The following AP3B1 variants were observed in gnomAD, a reference collection of about 807,000 sequenced individuals.
AP3B1 encodes the protein adaptor related protein complex 3 subunit beta 1.
In AP3B1, 61 loss-of-function variants were observed where a neutral mutation model predicts 132.5. The ratio of observed to expected loss-of-function variants is 0.46; its 90% CI spans 0.37 to 0.57. The LOEUF is 0.57. AP3B1 is among the 20% of genes least tolerant of loss of function. AP3B1 has a pLI of 0.00. For synonymous variants in AP3B1, 388 were observed against 438.3 expected, an observed-to-expected ratio of 0.89 and a Z score of 1.43; for missense variants, 1,120 against 1,289.4, an observed-to-expected ratio of 0.87 and a Z score of 2.01.
chr5:78,240,593 C>G (rs941746839), intron 3 of AP3B1, among the ~76,000 whole-genome samples: 1 of 152,070 alleles, frequency 6.6e-6, no homozygotes, highest in Admixed American at 6.6e-5. Flanking sequence ...ACTAAACGGG[C>G]CTCTAGGAAC....
Position 78,007,673 on chromosome 5 carries a change from T to C in AP3B1, c.3132-4618A>G, listed in dbSNP as rs780481424. Among the ~76,000 whole-genome samples, 149 of 152,222 alleles carry C rather than the reference T, an allele frequency of 9.8e-4. 3 individuals are homozygous for C. Among genetic ancestry groups the C allele is most frequent in the Non-Finnish European group, 6.8e-4 (46 of 68,034 alleles). On this transcript the variant is annotated intron_variant, in intron 26 of 26. Transcript: ENST00000255194. ...CAAAGTATAGTGATTTGGAGCGCTA[T>C]CTGCCAAAGGATTTAAAATTATAAA...
At chr5:78,264,538 C>A (rs565911493) in intron 2 of AP3B1, among the ~76,000 whole-genome samples, 1 of 152,268 alleles carries the variant, frequency 6.6e-6, no homozygotes, top group South Asian at 2.1e-4. Context: ...ACCAGTAAAA[C>A]CTCAGGCCTG....
intron 14 of AP3B1, among the ~76,000 whole-genome samples, chr5:78,142,268 T>C (rs1753181224): frequency 6.6e-6 from 1 of 152,256 alleles, no homozygotes; most frequent in South Asian, 2.1e-4. Flanking sequence ...ATTTAGAGTA[T>C]GCAAATTAGT....
intron 14 of AP3B1, among the ~76,000 whole-genome samples, chr5:78,142,122 CAG>C (rs1753173422): frequency 6.6e-6 from 1 of 152,084 alleles, no homozygotes; most frequent in Admixed American, 6.5e-5. Flanking sequence ...ACAAAAGAAA[CAG>C]GGATAAATTT....
intron 20 of AP3B1, among the ~76,000 whole-genome samples, chr5:78,105,972 C>A (rs760349081): frequency 2.4e-4 from 36 of 152,172 alleles, no homozygotes; most frequent in Non-Finnish European, 4.0e-4. Context: ...GATACCCCAT[C>A]ATCAGTAACA....
At chr5:78,201,072 G>C (rs1279625259) in intron 7 of AP3B1, among the ~76,000 whole-genome samples, 1 of 152,112 alleles carries the variant, frequency 6.6e-6, no homozygotes, top group African/African-American at 2.4e-5. Flanking sequence ...GTAAGCAAAG[G>C]ACAGAGGCCT....
chr5:78,064,866 TTC>T (rs1417489571), intron 22 of AP3B1, among the ~76,000 whole-genome samples: 1 of 152,152 alleles, frequency 6.6e-6, no homozygotes, highest in Admixed American at 6.5e-5. Flanking sequence ...ATGGGAATAA[TTC>T]TCTCAGTAAT....
chr5:78,105,985 T>A (rs571601165), intron 20 of AP3B1, among the ~76,000 whole-genome samples: 1 of 152,324 alleles, frequency 6.6e-6, no homozygotes, highest in South Asian at 2.1e-4. Context: ...CAGTAACATT[T>A]TTCATTCCCT....
intron 22 of AP3B1, among the ~76,000 whole-genome samples, chr5:78,051,415 T>C (rs1748578719): frequency 7.1e-6 from 1 of 139,990 alleles, no homozygotes; most frequent in South Asian, 2.2e-4. Flanking sequence ...TGACATAGCA[T>C]GTCTGCTTTT....
At chr5:78,182,423 A>C (rs1269735662) in intron 7 of AP3B1, among the ~76,000 whole-genome samples, 1 of 152,240 alleles carries the variant, frequency 6.6e-6, no homozygotes, top group Non-Finnish European at 1.5e-5. Context: ...CACTAAGTAG[A>C]GATCTAGAAA....
chr5:78,162,209 C>G (rs916382422), intron 13 of AP3B1, among the ~76,000 whole-genome samples: 1 of 152,032 alleles, frequency 6.6e-6, no homozygotes, highest in South Asian at 2.1e-4. Flanking sequence ...AAATAACTGA[C>G]GCTTTGCCAC....
chr5:78,277,507 G>C (rs548365076), intron 1 of AP3B1, among the ~76,000 whole-genome samples: 1 of 152,118 alleles, frequency 6.6e-6, no homozygotes, highest in Non-Finnish European at 1.5e-5. Context: ...TTAAAATAAG[G>C]AATGCAATAA....
intron 7 of AP3B1, among the ~76,000 whole-genome samples, chr5:78,199,463 T>C (rs138327303): frequency 1.6e-3 from 248 of 152,328 alleles, no homozygotes; most frequent in African/African-American, 5.9e-3. Context: ...AAATTCATTT[T>C]AGAGTAGTTT....
chr5:78,176,321 A>G (rs1401340510), intron 9 of AP3B1, among the ~76,000 whole-genome samples: 4 of 151,756 alleles, frequency 2.6e-5, no homozygotes, highest in East Asian at 1.9e-4. Flanking sequence ...GGTCTTTCTG[A>G]TATCTTTTGA....
At chr5:78,075,201 G>C (rs1749715498) in intron 22 of AP3B1, among the ~76,000 whole-genome samples, 1 of 152,044 alleles carries the variant, frequency 6.6e-6, no homozygotes, top group African/African-American at 2.4e-5. Flanking sequence ...GGTTGGGGAG[G>C]ATATATCTAA....
rs749489841 is a variant in AP3B1, at chr5:78,116,219, G to C, written c.1984C>G (p.Pro662Ala). Residue 662 changes from proline to alanine, a missense_variant, in exon 18 of 27, where the codon CCA becomes GCA. Pro to Ala is a conservative substitution (Grantham distance 27, BLOSUM62 -1). Transcript: ENST00000255194. ...TTCTCTTGCTTTGCTTTTCCTGCTG[G>C]GGTCCATTCTTTTGCCTGTTTAAAC... ...EVIELAKEWT[P>A]AGKAKQENSA... is the part of the protein sequence containing the mutation. 47 of 1,613,268 alleles carry C rather than the reference G, an allele frequency of 2.9e-5. 1 individual carries two copies. In the South Asian group the frequency reaches 4.8e-4, roughly 17 times the overall value.
intron 6 of AP3B1, among the ~76,000 whole-genome samples, chr5:78,223,050 A>T (rs1746254812): frequency 1.4e-5 from 1 of 71,640 alleles, no homozygotes; most frequent in African/African-American, 5.1e-5. Flanking sequence ...TGTAGAGACA[A>T]GGTTTCACCA....
chr5:78,148,541 C>T (rs1453499134), intron 14 of AP3B1, among the ~76,000 whole-genome samples: 1 of 152,160 alleles, frequency 6.6e-6, no homozygotes, highest in Non-Finnish European at 1.5e-5. Flanking sequence ...TTTATTCTGA[C>T]CTCCATTTAA....
chr5:78,063,612 T>A (rs777043037), intron 22 of AP3B1, among the ~76,000 whole-genome samples: 16 of 152,210 alleles, frequency 1.1e-4, no homozygotes, highest in Non-Finnish European at 5.9e-5. Flanking sequence ...GAATGCAGGA[T>A]CCAACAAATT....
Sources: gnomAD v4.1 joint callset for allele counts (sites outside exome capture counted in the v4.1 genomes callset) on GRCh38, gnomAD v4.1.1 for gene constraint, MANE v1.5 for transcripts, NCBI Gene and HGNC (gene_info 2026-07-23, HGNC 2026-07-21) for gene names.